The following LYPD1 variants were observed in gnomAD, a reference collection of about 807,000 sequenced individuals.
The protein encoded by LYPD1 is LY6/PLAUR domain containing 1.
LYPD1 carries 14 observed loss-of-function variants against 14.2 expected under a neutral mutation model. That is an observed-to-expected ratio of 0.99 (90% CI 0.65 to 1.54). The LOEUF (loss-of-function observed/expected upper bound fraction) is 1.54. Ranked by LOEUF, LYPD1 falls within the 40% of genes most tolerant of loss-of-function variation. The pLI is 0.00. For synonymous variants in LYPD1, 85 were observed against 70.6 expected, an observed-to-expected ratio of 1.20 and a Z score of -1.02; for missense variants, 165 against 175.7, an observed-to-expected ratio of 0.94 and a Z score of 0.34.
chr2:132,671,459 A>G (rs1481964833), upstream of LYPD1: 1 of 152,300 alleles, frequency 6.6e-6, no homozygotes, highest in Non-Finnish European at 1.5e-5. Context: ...TCCTCCCAGC[A>G]GAGCTGGTCT....
chr2:132,643,879 G>A lies in LYPD1; in HGVS notation c.*2166C>T, dbSNP rs2104882527. 6.6e-6 allele frequency among the ~76,000 whole-genome samples: 1 copy of A among 152,278 alleles called. No individual in the cohort carries two copies. Among genetic ancestry groups the A allele is most frequent in the South Asian group, 2.1e-4 (1 of 4,826 alleles). ...AGGCAGGAAGCATTCATTGCCAACT[G>A]TCACTTCCCTAGGGTTTCTAGAAAA... On this transcript the variant is annotated 3_prime_UTR_variant, in exon 3 of 3. Coordinates refer to ENST00000397463, the MANE Select transcript of LYPD1 (RefSeq NM_144586.7).
At chr2:132,652,987 C>G (rs1307466234) in intron 2 of LYPD1, among the ~76,000 whole-genome samples, 1 of 152,122 alleles carries the variant, frequency 6.6e-6, no homozygotes. Context: ...GCCATTGTAC[C>G]TATTCCCTGG....
chr2:132,658,436 A>C (rs1682730313), intron 2 of LYPD1, among the ~76,000 whole-genome samples: 1 of 152,216 alleles, frequency 6.6e-6, no homozygotes, highest in Non-Finnish European at 1.5e-5. Context: ...TGCCCCAGAG[A>C]CTAATGAAGG....
intron 2 of LYPD1, 46 bp downstream of exon 2, chr2:132,668,354 C>T: frequency 6.4e-7 from 1 of 1,553,940 alleles, no homozygotes; most frequent in Non-Finnish European, 8.7e-7. Flanking sequence ...ACTCCCACCC[C>T]ACAGCCCAGG....
chr2:132,654,399 CAA>C (rs3043653), intron 2 of LYPD1, among the ~76,000 whole-genome samples: 77,334 of 137,760 alleles, frequency 0.56, 20,575 homozygotes, highest in East Asian at 0.69. Flanking sequence ...GACCCTGTCT[CAA>C]AAAAAAAAAA....
intron 2 of LYPD1, among the ~76,000 whole-genome samples, chr2:132,657,196 T>C (rs1416742052): frequency 6.6e-6 from 1 of 152,304 alleles, no homozygotes; most frequent in East Asian, 1.9e-4. Context: ...ATGATGCCAA[T>C]TGTTGGTTTT....
intron 2 of LYPD1, among the ~76,000 whole-genome samples, chr2:132,650,683 C>T (rs1463679312): frequency 2.7e-5 from 4 of 150,432 alleles, no homozygotes; most frequent in African/African-American, 9.9e-5. Flanking sequence ...TCCCTCCTTC[C>T]TTTTCTCTCC....
chr2:132,660,062 G>A (rs538174896), intron 2 of LYPD1, among the ~76,000 whole-genome samples: 39 of 152,262 alleles, frequency 2.6e-4, no homozygotes, highest in East Asian at 1.4e-3. Flanking sequence ...GCTGAGAGCC[G>A]CGTGCCTGGC....
At chr2:132,662,498 T>C (rs541700441) in intron 2 of LYPD1, among the ~76,000 whole-genome samples, 1 of 150,756 alleles carries the variant, frequency 6.6e-6, no homozygotes, top group African/African-American at 2.4e-5. Flanking sequence ...AAGTGTTGAG[T>C]CCTTTTGCAC....
intron 2 of LYPD1, among the ~76,000 whole-genome samples, chr2:132,651,245 G>A (rs940185798): frequency 4.6e-5 from 7 of 152,114 alleles, no homozygotes; most frequent in African/African-American, 1.7e-4. Context: ...ATCCTCAAAT[G>A]GCTTCTTTCT....
rs1682379665 is a variant in LYPD1 at position 132,652,034 on chromosome 2, A to T, written c.191-5754T>A. Among the ~76,000 whole-genome samples, 2 of 152,120 alleles carry T rather than the reference A, an allele frequency of 1.3e-5. 1 individual carries two copies. The highest frequency in any genetic ancestry group is 4.2e-4 in the South Asian group (2 of 4,816). ...CTGGACATGGGCCTGGTTTCCCTGA[A>T]ACCTCATGGCTGGCCTCAGAAACCA... On this transcript the variant is annotated intron_variant, in intron 2 of 2. Transcript: ENST00000397463.
At position 132,665,738 on chromosome 2, in the gene LYPD1, C is replaced by T. The variant is rs1683229065; in HGVS notation, c.190+2662G>A. Reference sequence around the variant, plus strand: ...CCAGATCAGTTCTCAACTCGGGTCACCCCAGAATCATTGGGAAGTTTATAA... The same window carrying T: ...CCAGATCAGTTCTCAACTCGGGTCATCCCAGAATCATTGGGAAGTTTATAA... On this transcript the variant is annotated intron_variant, in intron 2 of 2. Coordinates refer to ENST00000397463, the MANE Select transcript of LYPD1 (RefSeq NM_144586.7). 1.3e-5 allele frequency among the ~76,000 whole-genome samples: 2 copies of T among 152,136 alleles called. 1 individual carries two copies. Among genetic ancestry groups the T allele is most frequent in the South Asian group, 4.1e-4 (2 of 4,826 alleles).
intron 2 of LYPD1, 77 bp downstream of exon 2, chr2:132,668,323 C>A (rs1683401770): frequency 5.4e-6 from 8 of 1,488,786 alleles, no homozygotes; most frequent in Non-Finnish European, 7.2e-6. Context: ...GTCCTTTTTC[C>A]TGCTATTTAA....
intron 2 of LYPD1, among the ~76,000 whole-genome samples, chr2:132,656,790 G>A (rs989634842): frequency 2.6e-5 from 4 of 152,132 alleles, no homozygotes; most frequent in African/African-American, 9.7e-5. Context: ...GTTGCAGATG[G>A]CCACAGGAAC....
At position 132,668,531 on chromosome 2, in the gene LYPD1, G is replaced by A. The variant is rs1334670689; in HGVS notation, c.59C>T (p.Ala20Val). 5.0e-6 allele frequency: 8 copies of A among 1,611,606 alleles called. No individual in the cohort carries two copies. Among genetic ancestry groups the A allele is most frequent in the East Asian group, 2.2e-5 (1 of 44,738 alleles). Residue 20 changes from alanine to valine, a missense_variant, in exon 2 of 3, where the codon GCG becomes GTG. Transcript: ENST00000397463. ...ACACTGGTAGCACTGGATTTGCAGC[G>A]CAAAGCCTGCGAGACAGACGCAGTC... ...FCGLFLLPGFALQIQCYQCEE... is the reference protein window; with the variant it reads ...FCGLFLLPGFVLQIQCYQCEE...
chr2:132,654,390 A>T (rs2104906748), intron 2 of LYPD1, among the ~76,000 whole-genome samples: 1 of 110,858 alleles, frequency 9.0e-6, no homozygotes, highest in Non-Finnish European at 1.9e-5. Flanking sequence ...ACAGAGTGAG[A>T]CCCTGTCTCA....
rs891369748 is a variant in LYPD1 at position 132,644,279 on chromosome 2, A to G, written c.*1766T>C. Reference sequence around the variant, plus strand: ...ATGCAGTAAACATTTGATCTACAGAAGGGCCTTTGAGTGGTCTCTTCTCTA... The same window carrying G: ...ATGCAGTAAACATTTGATCTACAGAGGGGCCTTTGAGTGGTCTCTTCTCTA... On this transcript the variant is annotated 3_prime_UTR_variant, in exon 3 of 3. Transcript: ENST00000397463. Among the ~76,000 whole-genome samples the G allele has an allele frequency of 3.3e-5, 5 of 152,264 alleles. No individual in the cohort carries two copies. Among genetic ancestry groups the G allele is most frequent in the African/African-American group, 4.8e-5 (2 of 41,466 alleles).
At position 132,645,667 on chromosome 2, in the gene LYPD1, T is replaced by C; in HGVS notation, c.*378A>G. 1.9e-6 allele frequency: 3 copies of C among 1,553,816 alleles called. No homozygotes were observed. The highest frequency in any genetic ancestry group is 2.6e-6 in the Non-Finnish European group (3 of 1,152,010). On this transcript the variant is annotated 3_prime_UTR_variant, in exon 3 of 3. Transcript: ENST00000397463. Reference sequence around the variant, plus strand: ...CTCCAGCCCTAAGAAAACGTCACTCTCACTCTGCAGTCTCAAACTATGCCC... The same window carrying C: ...CTCCAGCCCTAAGAAAACGTCACTCCCACTCTGCAGTCTCAAACTATGCCC...
Position 132,644,687 on chromosome 2 carries a change from A to AACAC in LYPD1, c.*1354_*1357dup, listed in dbSNP as rs1452685536. Among the ~76,000 whole-genome samples the AACAC allele has an allele frequency of 1.3e-5, 2 of 151,900 alleles. No individual in the cohort carries two copies. The highest frequency in any genetic ancestry group is 2.4e-5 in the African/African-American group (1 of 41,334). ...TTGTGCAGACATCCTTTAAAATACAAACACTGCTTTATCTAATGCAGCTAT... is the reference window on the plus strand; with the variant it reads ...TTGTGCAGACATCCTTTAAAATACAAACACACACTGCTTTATCTAATGCAGCTAT... On this transcript the variant is annotated 3_prime_UTR_variant, in exon 3 of 3. Coordinates refer to ENST00000397463, the MANE Select transcript of LYPD1 (RefSeq NM_144586.7).
Sources: allele counts gnomAD v4.1 joint callset (sites outside exome capture counted in the v4.1 genomes callset), GRCh38; gene constraint gnomAD v4.1.1; transcripts MANE v1.5; gene names NCBI Gene and HGNC (gene_info 2026-07-23, HGNC 2026-07-21).